NAV2: variants seen among roughly 807,000 people sequenced by gnomAD.
NAV2 encodes the protein helicase, APC down-regulated 1.
Under a neutral mutation model 223.2 loss-of-function variants are expected in NAV2, and 54 were observed. That is an observed-to-expected ratio of 0.24 (90% CI 0.19 to 0.30). NAV2 has a LOEUF of 0.30. Among genes scored for constraint, NAV2 ranks in the 10% least tolerant of loss-of-function variants. NAV2 has a pLI of 1.00. For missense variants in NAV2, 2,806 were observed against 3,147.5 expected (o/e 0.89, Z 2.60); for synonymous variants, 1,279 against 1,239.3 (o/e 1.03, Z -0.67).
chr11:19,573,833 G>T (rs958787416), intron 1 of NAV2, among the ~76,000 whole-genome samples: 7 of 152,288 alleles, frequency 4.6e-5, no homozygotes, highest in Non-Finnish European at 1.0e-4. Flanking sequence ...CTCCTCACCT[G>T]CCTGTGTCTG....
At chr11:19,532,076 T>A (rs2044043099) in intron 1 of NAV2, among the ~76,000 whole-genome samples, 1 of 152,196 alleles carries the variant, frequency 6.6e-6, no homozygotes, top group Non-Finnish European at 1.5e-5. Context: ...TGGAAACTAA[T>A]AGAAGTATAA....
chr11:19,584,885 T>G (rs1426813162), intron 1 of NAV2, among the ~76,000 whole-genome samples: 2 of 152,238 alleles, frequency 1.3e-5, no homozygotes, highest in Non-Finnish European at 2.9e-5. Context: ...TCTGTAGATG[T>G]CTATTGGGTC....
intron 1 of NAV2, among the ~76,000 whole-genome samples, chr11:19,597,669 A>G (rs2046238306): frequency 2.6e-5 from 4 of 152,252 alleles, no homozygotes; most frequent in African/African-American, 9.6e-5. Context: ...GTTGCTTGTT[A>G]CTTCAGAAAT....
chr11:19,640,743 T>C (rs1409550625), intron 1 of NAV2, among the ~76,000 whole-genome samples: 6 of 152,202 alleles, frequency 3.9e-5, no homozygotes, highest in African/African-American at 7.2e-5. Context: ...ATGCAAATGT[T>C]TGTCTCAGGA....
At chr11:20,077,871 A>C in intron 23 of NAV2, 122 bp from the exon 24 acceptor site, 1 of 789,132 alleles carries the variant, frequency 1.3e-6, no homozygotes, top group Non-Finnish European at 2.1e-6. Context: ...CTGTTGATCC[A>C]TCTGAAAGGT....
chr11:20,060,768 A>G (rs1034364439), intron 19 of NAV2, among the ~76,000 whole-genome samples: 3 of 152,260 alleles, frequency 2.0e-5, no homozygotes, highest in African/African-American at 7.2e-5. Context: ...AGAGAACTGC[A>G]TGGGCAGAGA....
At chr11:19,982,028 C>T (rs1466928809) in intron 10 of NAV2, among the ~76,000 whole-genome samples, 1 of 152,036 alleles carries the variant, frequency 6.6e-6, no homozygotes, top group Non-Finnish European at 1.5e-5. Flanking sequence ...TAATAAGCAC[C>T]TAGTATGTAC....
At chr11:19,835,908 A>C (rs2060201650) in intron 2 of NAV2, among the ~76,000 whole-genome samples, 1 of 152,074 alleles carries the variant, frequency 6.6e-6, no homozygotes, top group Admixed American at 6.6e-5. Context: ...TTGAAAAGTG[A>C]GTTTCTCTTT....
intron 1 of NAV2, among the ~76,000 whole-genome samples, chr11:19,427,711 CAT>C (rs753192387): frequency 6.6e-6 from 1 of 152,192 alleles, no homozygotes; most frequent in African/African-American, 2.4e-5. Context: ...ACCATTCTAA[CAT>C]GTGAAAAATG....
intron 11 of NAV2, 131 bp from the exon 12 acceptor site, chr11:20,035,828 A>G: frequency 9.7e-7 from 1 of 1,029,226 alleles, no homozygotes; most frequent in Non-Finnish European, 1.4e-6. Context: ...ATCTGAGTCA[A>G]GAGAGCTTTG....
intron 1 of NAV2, among the ~76,000 whole-genome samples, chr11:19,542,865 C>A (rs965507280): frequency 6.6e-6 from 1 of 152,170 alleles, no homozygotes; most frequent in Non-Finnish European, 1.5e-5. Flanking sequence ...CCTTGCTCTC[C>A]CCTTCACCTG....
At chr11:19,871,444 C>G (rs1017408896) in intron 4 of NAV2, among the ~76,000 whole-genome samples, 4 of 152,116 alleles carry the variant, frequency 2.6e-5, no homozygotes, top group Non-Finnish European at 5.9e-5. Context: ...TGAGGCAGCA[C>G]AGAGGAAGCA....
At chr11:19,708,902 AAAAAAAAAAAAAAG>A (rs1172784823), upstream of NAV2, among the ~76,000 whole-genome samples, 1 of 149,606 alleles carries the variant, frequency 6.7e-6, no homozygotes, top group African/African-American at 2.4e-5. Context: ...CATATAGTAA[AAAAAAAAAAAAAAG>A]AAAAAAAGAA....
chr11:19,950,034 A>C (rs1223161749), intron 10 of NAV2, among the ~76,000 whole-genome samples: 1 of 152,222 alleles, frequency 6.6e-6, no homozygotes, highest in Non-Finnish European at 1.5e-5. Context: ...CTCCCCTCTC[A>C]GATCACCCTG....
chr11:19,721,968 C>T (rs2050782843), intron 1 of NAV2, among the ~76,000 whole-genome samples: 1 of 152,176 alleles, frequency 6.6e-6, no homozygotes, highest in Admixed American at 6.5e-5. Flanking sequence ...GCACGTCTTT[C>T]AACTTTTCTG....
intron 1 of NAV2, among the ~76,000 whole-genome samples, chr11:19,491,459 T>A (rs2042624394): frequency 6.6e-6 from 1 of 152,222 alleles, no homozygotes. Flanking sequence ...ATTTTTATGT[T>A]ATGGAGGTGG....
intron 1 of NAV2, among the ~76,000 whole-genome samples, chr11:19,579,359 T>C (rs998148211): frequency 6.6e-6 from 1 of 152,238 alleles, no homozygotes; most frequent in Non-Finnish European, 1.5e-5. Flanking sequence ...GTTCCCTTCA[T>C]TGGTTCCCAC....
At chr11:19,659,248 C>A (rs1271325791) in intron 1 of NAV2, among the ~76,000 whole-genome samples, 2 of 152,114 alleles carry the variant, frequency 1.3e-5, no homozygotes, top group African/African-American at 2.4e-5. Flanking sequence ...CAGCAAGACC[C>A]AGGTAGGCAG....
chr11:19,444,305 AG>A (rs1193188166), intron 1 of NAV2, among the ~76,000 whole-genome samples: 13 of 152,166 alleles, frequency 8.5e-5, no homozygotes, highest in Admixed American at 8.5e-4. Flanking sequence ...CTGTCTCCAA[AG>A]ATTTGGGCTC....
Sources: gnomAD v4.1 joint callset for allele counts (sites outside exome capture counted in the v4.1 genomes callset) on GRCh38, gnomAD v4.1.1 for gene constraint, MANE v1.5 for transcripts, NCBI Gene and HGNC (gene_info 2026-07-23, HGNC 2026-07-21) for gene names.